The following KCNIP4 variants were observed in gnomAD, a reference collection of about 807,000 sequenced individuals.
The protein encoded by KCNIP4 is Kv channel-interacting protein 4.
A neutral mutation model predicts 34.0 loss-of-function variants in KCNIP4; 12 were observed. The observed-to-expected ratio is 0.35, with a 90% CI of 0.23 to 0.57. The LOEUF is 0.57. Ranked by LOEUF, KCNIP4 falls within the 20% of genes least tolerant of loss-of-function variation. The pLI is 0.83. For missense variants in KCNIP4, 238 were observed against 311.7 expected, an observed-to-expected ratio of 0.76 and a Z score of 1.78; for synonymous variants, 124 against 102.2, an observed-to-expected ratio of 1.21 and a Z score of -1.29.
intron 1 of KCNIP4, among the ~76,000 whole-genome samples, chr4:21,261,116 T>A (rs1761440423): frequency 6.6e-6 from 1 of 152,182 alleles, no homozygotes; most frequent in Admixed American, 6.5e-5. Context: ...CTGCTCTTAT[T>A]TTTGCAGAGG....
At chr4:21,210,716 T>A (rs1757164058) in intron 1 of KCNIP4, among the ~76,000 whole-genome samples, 1 of 152,164 alleles carries the variant, frequency 6.6e-6, no homozygotes, top group Admixed American at 6.5e-5. Context: ...CTATATGTTT[T>A]CCCTCCTTCC....
intron 2 of KCNIP4, among the ~76,000 whole-genome samples, chr4:20,872,375 T>C (rs888318662): frequency 1.3e-5 from 2 of 152,144 alleles, no homozygotes; most frequent in South Asian, 2.1e-4. Flanking sequence ...AATATTACCA[T>C]CAAGAATTGC....
At chr4:21,596,560 A>G (rs901689785) in intron 1 of KCNIP4, among the ~76,000 whole-genome samples, 1 of 152,032 alleles carries the variant, frequency 6.6e-6, no homozygotes, top group African/African-American at 2.4e-5. Context: ...CCCTATCTCC[A>G]TCTACCTTTC....
intron 1 of KCNIP4, among the ~76,000 whole-genome samples, chr4:21,911,820 C>T (rs568096712): frequency 8.5e-5 from 13 of 152,136 alleles, no homozygotes; most frequent in African/African-American, 3.1e-4. Flanking sequence ...AGTACAGACA[C>T]GGATTCTTCA....
chr4:21,369,053 T>C (rs1456250993), intron 1 of KCNIP4, among the ~76,000 whole-genome samples: 1 of 147,192 alleles, frequency 6.8e-6, no homozygotes, highest in East Asian at 2.0e-4. Flanking sequence ...AATCTTACAG[T>C]TAGGTAGACC....
At chr4:21,492,860 G>A (rs1471557499) in intron 1 of KCNIP4, among the ~76,000 whole-genome samples, 1 of 152,114 alleles carries the variant, frequency 6.6e-6, no homozygotes, top group Admixed American at 6.6e-5. Context: ...TAATGCAAAT[G>A]TCTCCCCTGC....
At chr4:20,805,846 T>C (rs1418292501) in intron 3 of KCNIP4, among the ~76,000 whole-genome samples, 1 of 152,096 alleles carries the variant, frequency 6.6e-6, no homozygotes, top group Non-Finnish European at 1.5e-5. Context: ...GGTTCAATAG[T>C]GGTATTTTGA....
chr4:21,524,824 G>C (rs1208739528), intron 1 of KCNIP4, among the ~76,000 whole-genome samples: 1 of 151,986 alleles, frequency 6.6e-6, no homozygotes, highest in Non-Finnish European at 1.5e-5. Flanking sequence ...ATCATGCGTA[G>C]TGCCTTGCAC....
At chr4:21,175,167 A>C (rs1754313362) in intron 1 of KCNIP4, among the ~76,000 whole-genome samples, 1 of 151,814 alleles carries the variant, frequency 6.6e-6, no homozygotes, top group African/African-American at 2.4e-5. Context: ...ATTGTAAATT[A>C]TTTCTCTACA....
chr4:21,810,266 T>C (rs915192372), intron 1 of KCNIP4, among the ~76,000 whole-genome samples: 7 of 152,196 alleles, frequency 4.6e-5, no homozygotes, highest in African/African-American at 1.4e-4. Flanking sequence ...CATAGAAATA[T>C]TCAATAGCAT....
Position 21,619,558 on chromosome 4 carries a change from C to A in KCNIP4, c.61+329013G>T, listed in dbSNP as rs188620616. On this transcript the variant is annotated intron_variant, in intron 1 of 8. Coordinates refer to ENST00000382152, the MANE Select transcript of KCNIP4 (RefSeq NM_025221.6). ...CTGGATTTGTTCAAATCCTTAGAAC[C>A]TTTGGAGACTGGAGGAAAAGTAACA... is the stretch of plus-strand genomic sequence containing the variant. Among the ~76,000 whole-genome samples, 19 of 152,266 alleles carry A rather than the reference C, an allele frequency of 1.2e-4. No individual in the cohort carries two copies. In the East Asian group the frequency reaches 3.7e-3, roughly 29 times the overall value.
intron 1 of KCNIP4, among the ~76,000 whole-genome samples, chr4:21,679,705 A>G (rs1407038486): frequency 1.3e-5 from 2 of 152,216 alleles, no homozygotes; most frequent in Non-Finnish European, 2.9e-5. Flanking sequence ...GTTCCATTAT[A>G]GAACACAGCA....
intron 1 of KCNIP4, among the ~76,000 whole-genome samples, chr4:21,776,613 G>C (rs149326147): frequency 1.3e-5 from 2 of 152,080 alleles, no homozygotes; most frequent in African/African-American, 4.8e-5. Flanking sequence ...ATGTTGATAT[G>C]GTTAGGCTTT....
intron 1 of KCNIP4, among the ~76,000 whole-genome samples, chr4:20,987,934 G>T (rs1156472431): frequency 7.0e-6 from 1 of 141,900 alleles, no homozygotes; most frequent in Non-Finnish European, 1.5e-5. Context: ...CCGGGAGACG[G>T]AGCTTGCAGT....
chr4:21,146,586 C>T (rs1752374223), intron 1 of KCNIP4, among the ~76,000 whole-genome samples: 1 of 152,156 alleles, frequency 6.6e-6, no homozygotes, highest in Non-Finnish European at 1.5e-5. Flanking sequence ...CACTTTATGT[C>T]ACAGTCATAC....
Position 21,462,667 on chromosome 4 carries a change from G to A in KCNIP4, c.61+485904C>T, listed in dbSNP as rs151119037. Among the ~76,000 whole-genome samples the A allele has an allele frequency of 4.4e-3, 666 of 151,980 alleles. 2 individuals carry two copies. Among genetic ancestry groups the A allele is most frequent in the Non-Finnish European group, 6.6e-3 (446 of 67,970 alleles). ...GAGATTATGCAGTATTTGTCTTTCT[G>A]TGTTAGGTTTATTTCAGTTAACATA... is the stretch of plus-strand genomic sequence containing the variant. On this transcript the variant is annotated intron_variant, in intron 1 of 8. Transcript: ENST00000382152.
intron 1 of KCNIP4, among the ~76,000 whole-genome samples, chr4:21,450,751 T>C (rs1199430660): frequency 8.5e-5 from 13 of 152,176 alleles, no homozygotes; most frequent in Admixed American, 7.9e-4. Context: ...AGTTACAAAA[T>C]GAGTTTGACA....
intron 1 of KCNIP4, among the ~76,000 whole-genome samples, chr4:20,989,276 C>T (rs1173328336): frequency 6.6e-6 from 1 of 152,108 alleles, no homozygotes; most frequent in Non-Finnish European, 1.5e-5. Flanking sequence ...ACCCCTACAT[C>T]CATATTCATA....
intron 1 of KCNIP4, among the ~76,000 whole-genome samples, chr4:21,737,033 AAAGT>A (rs969993651): frequency 2.3e-5 from 1 of 42,914 alleles, no homozygotes; most frequent in African/African-American, 5.1e-5. Flanking sequence ...TAAAAAAAAG[AAAGT>A]AAGTTCTAAT....
Sources: allele counts gnomAD v4.1 joint callset (sites outside exome capture counted in the v4.1 genomes callset), GRCh38; gene constraint gnomAD v4.1.1; transcripts MANE v1.5; gene names NCBI Gene and HGNC (gene_info 2026-07-23, HGNC 2026-07-21).